AFF1: variants seen among roughly 807,000 people sequenced by gnomAD.
AFF1 encodes the protein ALF transcription elongation factor 1.
In AFF1, 48 loss-of-function variants were observed where a neutral mutation model predicts 121.7. That is an observed-to-expected ratio of 0.39 (90% confidence interval 0.31 to 0.50). The LOEUF is 0.50. Among genes scored for constraint, AFF1 ranks in the 20% least tolerant of loss-of-function variants. AFF1 has a pLI of 0.76. For synonymous variants in AFF1, 613 were observed against 563.0 expected, an observed-to-expected ratio of 1.09 and a Z score of -1.26; for missense variants, 1,523 against 1,511.7, an observed-to-expected ratio of 1.01 and a Z score of -0.12.
At chr4:87,036,690 A>AG (rs1255236107) in intron 2 of AFF1, 3 of 360,888 alleles carry the variant, frequency 8.3e-6, no homozygotes. Context: ...CTCTCAAAAT[A>AG]GACTTATGAG....
chr4:86,977,368 A>G (rs753180104), intron 2 of AFF1, among the ~76,000 whole-genome samples: 4 of 152,214 alleles, frequency 2.6e-5, no homozygotes, highest in Admixed American at 6.5e-5. Context: ...TGTGCAATTT[A>G]AAACTTATGA....
intron 1 of AFF1, among the ~76,000 whole-genome samples, chr4:86,938,343 G>A (rs969341225): frequency 2.0e-5 from 3 of 151,772 alleles, no homozygotes; most frequent in East Asian, 1.9e-4. Context: ...ACGCTTCCTC[G>A]GGAGGCTAAG....
At chr4:86,983,932 G>A (rs562529719) in intron 2 of AFF1, among the ~76,000 whole-genome samples, 1 of 149,456 alleles carries the variant, frequency 6.7e-6, no homozygotes, top group East Asian at 2.1e-4. Context: ...AGCTACTCGG[G>A]AGGCTGAGGC....
Position 87,114,758 on chromosome 4 carries a change from G to T in AFF1, c.1925G>T (p.Arg642Leu). 1 of 1,613,532 alleles carries T rather than the reference G, an allele frequency of 6.2e-7. No homozygotes were observed. Among genetic ancestry groups the T allele is most frequent in the Non-Finnish European group, 8.5e-7 (1 of 1,179,834 alleles). ...CCAGGGCTTCTTCCCTATGGCTCCC[G>T]AGACCAGACTTCCAAAGACAAGCCC... ...REPGLLPYGS[R>L]DQTSKDKPKV... The change falls in exon 12 of 21, where the codon CGA becomes CTA. Residue 642 changes from arginine (R) to leucine (L), a missense_variant. Coordinates refer to ENST00000395146, the MANE Select transcript of AFF1 (RefSeq NM_001166693.3).
chr4:87,117,498 T>TA (rs963242995), intron 12 of AFF1, among the ~76,000 whole-genome samples: 5 of 152,154 alleles, frequency 3.3e-5, no homozygotes, highest in African/African-American at 1.2e-4. Flanking sequence ...CCCCCATTGG[T>TA]ATTTTAAAAA....
At chr4:87,076,586 G>A (rs1722697416) in intron 4 of AFF1, among the ~76,000 whole-genome samples, 1 of 152,214 alleles carries the variant, frequency 6.6e-6, no homozygotes, top group African/African-American at 2.4e-5. Context: ...TAGGAAAGCT[G>A]TTCAGAGCAC....
chr4:87,117,289 A>G (rs906579853), intron 12 of AFF1, among the ~76,000 whole-genome samples: 3 of 152,222 alleles, frequency 2.0e-5, no homozygotes, highest in African/African-American at 7.2e-5. Context: ...TGTTTAGAGC[A>G]TGCAGAAATA....
chr4:87,119,511 C>T (rs1245594059), intron 12 of AFF1, among the ~76,000 whole-genome samples: 2 of 152,096 alleles, frequency 1.3e-5, no homozygotes, highest in Non-Finnish European at 1.5e-5. Context: ...TTAAAGGTTG[C>T]AGGGAGCTGT....
intron 4 of AFF1, among the ~76,000 whole-genome samples, chr4:87,065,050 T>G (rs555861724): frequency 1.3e-5 from 2 of 152,008 alleles, no homozygotes; most frequent in South Asian, 4.2e-4. Flanking sequence ...AATAATATAG[T>G]GTGGGGACAC....
At chr4:86,999,874 G>A (rs1045429103) in intron 2 of AFF1, among the ~76,000 whole-genome samples, 2 of 152,180 alleles carry the variant, frequency 1.3e-5, no homozygotes, top group African/African-American at 4.8e-5. Flanking sequence ...TTACAGAGAA[G>A]AAACCAATGT....
At chr4:86,987,825 C>T (rs1157131066) in intron 2 of AFF1, among the ~76,000 whole-genome samples, 10 of 151,814 alleles carry the variant, frequency 6.6e-5, no homozygotes, top group East Asian at 1.9e-4. Flanking sequence ...TGGTGGCACA[C>T]GCTCGTAGTC....
intron 2 of AFF1, among the ~76,000 whole-genome samples, chr4:87,040,561 A>AT (rs1730028408): frequency 1.7e-5 from 2 of 114,590 alleles, no homozygotes; most frequent in Admixed American, 1.8e-4. Flanking sequence ...CAATCCCCTC[A>AT]CCCTTTTTTT....
intron 2 of AFF1, among the ~76,000 whole-genome samples, chr4:86,959,994 T>C (rs1018456786): frequency 2.6e-5 from 4 of 152,114 alleles, no homozygotes; most frequent in African/African-American, 7.2e-5. Flanking sequence ...GTAGTTGAAA[T>C]CACAATGGGC....
chr4:87,012,330 G>C (rs374273038), intron 2 of AFF1, among the ~76,000 whole-genome samples: 22 of 150,840 alleles, frequency 1.5e-4, no homozygotes, highest in African/African-American at 5.1e-4. Flanking sequence ...TCCAAGATAG[G>C]CAAATAAACT....
At chr4:87,009,399 G>C (rs1335100553) in intron 2 of AFF1, among the ~76,000 whole-genome samples, 1 of 152,188 alleles carries the variant, frequency 6.6e-6, no homozygotes, top group Non-Finnish European at 1.5e-5. Context: ...TACAAAGAAT[G>C]ATTCCTGCTA....
chr4:87,079,392 G>A (rs1722958601), intron 4 of AFF1, among the ~76,000 whole-genome samples: 1 of 152,246 alleles, frequency 6.6e-6, no homozygotes, highest in Non-Finnish European at 1.5e-5. Flanking sequence ...TCCAGGAGGA[G>A]TGAGAAATCA....
chr4:87,091,162 T>G (rs1724266182), intron 6 of AFF1, among the ~76,000 whole-genome samples: 1 of 152,132 alleles, frequency 6.6e-6, no homozygotes, highest in Non-Finnish European at 1.5e-5. Flanking sequence ...CCCAGGACTT[T>G]GGGAGGCTGA....
rs1270745795 is a variant in AFF1, at chr4:87,137,079, TTTTC to T, written c.*1382_*1385del. 4.5e-6 allele frequency: 1 copy of T among 224,708 alleles called. No individual in the cohort carries two copies. Among genetic ancestry groups the T allele is most frequent in the African/African-American group, 2.2e-5 (1 of 44,842 alleles). The allele number at this position is 224,708 out of a possible 1,614,324, so 13.9% of individuals were successfully genotyped here. ...ATCCCATGTGCCCATAAGCACAGAT[TTTTC>T]TTTTTCATTGAAACTTTAAAGGTTA... On this transcript the variant is annotated 3_prime_UTR_variant, in exon 21 of 21. Coordinates refer to ENST00000395146, the MANE Select transcript of AFF1 (RefSeq NM_001166693.3).
At chr4:87,075,411 A>G (rs1722554262) in intron 4 of AFF1, among the ~76,000 whole-genome samples, 1 of 152,168 alleles carries the variant, frequency 6.6e-6, no homozygotes, top group Admixed American at 6.5e-5. Flanking sequence ...TATATCTCCT[A>G]TCTACACGAT....
Sources: allele counts gnomAD v4.1 joint callset (sites outside exome capture counted in the v4.1 genomes callset), GRCh38; gene constraint gnomAD v4.1.1; transcripts MANE v1.5; gene names NCBI Gene and HGNC (gene_info 2026-07-23, HGNC 2026-07-21).